Variants in FMNL2 observed in about 807,000 individuals in gnomAD.
The protein encoded by FMNL2 is formin like 2, also known as formin-like protein 2.
Under a neutral mutation model 130.2 loss-of-function variants are expected in FMNL2, and 51 were observed. That is an observed-to-expected ratio of 0.39 (90% CI 0.31 to 0.49). The LOEUF (loss-of-function observed/expected upper bound fraction) is 0.49. Among genes scored for constraint, FMNL2 ranks in the 20% least tolerant of loss-of-function variants. The pLI is 0.85. For missense variants in FMNL2, 977 were observed against 1,316.2 expected, an observed-to-expected ratio of 0.74 and a Z score of 3.99; for synonymous variants, 465 against 467.1, an observed-to-expected ratio of 1.00 and a Z score of 0.06.
intron 9 of FMNL2, among the ~76,000 whole-genome samples, chr2:152,601,296 CTTTTTTCTTTT>C (rs1423219289): frequency 6.5e-5 from 6 of 92,282 alleles, no homozygotes; most frequent in Admixed American, 2.1e-4. Context: ...CTTTTCTTTT[CTTTTTTCTTTT>C]TTTTTTTTTT....
At chr2:152,351,367 G>A (rs1311230266) in intron 1 of FMNL2, among the ~76,000 whole-genome samples, 1 of 151,988 alleles carries the variant, frequency 6.6e-6, no homozygotes, top group Non-Finnish European at 1.5e-5. Context: ...ACCAATCCCA[G>A]CAGGTTCCAT....
At chr2:152,635,596 A>C (rs1384724926) in intron 21 of FMNL2, among the ~76,000 whole-genome samples, 1 of 152,258 alleles carries the variant, frequency 6.6e-6, no homozygotes, top group East Asian at 1.9e-4. Context: ...AGATTTCAGC[A>C]AATACTGCAG....
intron 2 of FMNL2, among the ~76,000 whole-genome samples, chr2:152,537,475 A>T: frequency 6.6e-6 from 1 of 152,204 alleles, no homozygotes; most frequent in Non-Finnish European, 1.5e-5. Context: ...GATCTACGAG[A>T]GACACAGCTG....
intron 9 of FMNL2, among the ~76,000 whole-genome samples, chr2:152,590,290 T>C (rs1413857815): frequency 6.6e-6 from 1 of 151,992 alleles, no homozygotes; most frequent in Non-Finnish European, 1.5e-5. Flanking sequence ...AGTTATTTAG[T>C]CCAGTACTAA....
intron 1 of FMNL2, among the ~76,000 whole-genome samples, chr2:152,487,825 T>C (rs1690916935): frequency 6.6e-6 from 1 of 151,958 alleles, no homozygotes. Flanking sequence ...TCTCACTCTG[T>C]TGCCCAGGCT....
intron 9 of FMNL2, among the ~76,000 whole-genome samples, chr2:152,603,067 G>A (rs746355855): frequency 1.3e-5 from 2 of 152,182 alleles, no homozygotes. Context: ...TTTAATGATT[G>A]CTAAAGTAAT....
At chr2:152,396,103 C>T (rs1428426220) in intron 1 of FMNL2, among the ~76,000 whole-genome samples, 2 of 152,146 alleles carry the variant, frequency 1.3e-5, no homozygotes, top group Non-Finnish European at 2.9e-5. Flanking sequence ...CACGGCATTT[C>T]TGCAAAAATG....
intron 15 of FMNL2, among the ~76,000 whole-genome samples, chr2:152,623,638 G>T (rs1033703734): frequency 2.6e-5 from 4 of 152,044 alleles, no homozygotes; most frequent in Non-Finnish European, 5.9e-5. Context: ...CTTTTATTTT[G>T]TTCTGCACTG....
At chr2:152,421,690 C>A (rs1180575165) in intron 1 of FMNL2, among the ~76,000 whole-genome samples, 1 of 152,162 alleles carries the variant, frequency 6.6e-6, no homozygotes, top group Non-Finnish European at 1.5e-5. Context: ...AGTGCCTTTC[C>A]TGTTACTGAT....
At chr2:152,342,859 C>T (rs1015893917) in intron 1 of FMNL2, among the ~76,000 whole-genome samples, 23 of 152,134 alleles carry the variant, frequency 1.5e-4, no homozygotes, top group Non-Finnish European at 8.8e-5. Flanking sequence ...CAACATTCAG[C>T]CCTATTTACC....
chr2:152,370,312 C>T (rs543549089), intron 1 of FMNL2, among the ~76,000 whole-genome samples: 18 of 152,232 alleles, frequency 1.2e-4, no homozygotes, highest in South Asian at 2.1e-4. Flanking sequence ...GGAAGCTCCC[C>T]GGGGTCTCTT....
intron 1 of FMNL2, among the ~76,000 whole-genome samples, chr2:152,402,635 T>G (rs902084052): frequency 6.6e-6 from 1 of 152,230 alleles, no homozygotes; most frequent in African/African-American, 2.4e-5. Context: ...CTGCTCTCCC[T>G]TGCACACAGC....
intron 1 of FMNL2, among the ~76,000 whole-genome samples, chr2:152,504,995 C>T (rs1579831423): frequency 1.3e-5 from 2 of 152,300 alleles, no homozygotes; most frequent in East Asian, 3.9e-4. Flanking sequence ...ACATTTAAAG[C>T]ACAGTTCTTC....
At chr2:152,538,751 G>T (rs1159999255) in intron 2 of FMNL2, among the ~76,000 whole-genome samples, 3 of 152,112 alleles carry the variant, frequency 2.0e-5, no homozygotes, top group Admixed American at 6.5e-5. Context: ...TAAAACTTGG[G>T]GTTGCCTGTC....
At chr2:152,405,079 G>C (rs1267573445) in intron 1 of FMNL2, among the ~76,000 whole-genome samples, 1 of 152,182 alleles carries the variant, frequency 6.6e-6, no homozygotes, top group African/African-American at 2.4e-5. Context: ...TACATGCTTG[G>C]GAACAGAAGT....
At chr2:152,620,951 C>T (rs111862582) in intron 15 of FMNL2, 16,215 of 985,398 alleles carry the variant, frequency 0.016, 160 homozygotes, top group Non-Finnish European at 0.018. Context: ...CCGTCTACCA[C>T]TTTCTTCTAG....
intron 1 of FMNL2, among the ~76,000 whole-genome samples, chr2:152,424,641 G>A (rs530958834): frequency 1.3e-5 from 2 of 151,588 alleles, no homozygotes; most frequent in Non-Finnish European, 2.9e-5. Context: ...CGCCCATCTC[G>A]GCCTCCCAAA....
intron 1 of FMNL2, among the ~76,000 whole-genome samples, chr2:152,383,826 A>G (rs555926113): frequency 6.6e-6 from 1 of 152,256 alleles, no homozygotes; most frequent in Non-Finnish European, 1.5e-5. Context: ...AAATGAGGAG[A>G]AGTCATCATC....
At position 152,619,505 on chromosome 2, in the gene FMNL2, CT is replaced by C. The variant is rs985567598; in HGVS notation, c.1628-3del. 6.5e-7 allele frequency: 1 copy of C among 1,549,540 alleles called. No homozygotes were observed. The highest frequency in any genetic ancestry group is 1.4e-5 in the African/African-American group (1 of 72,870). On this transcript the variant is annotated splice_region_variant and splice_polypyrimidine_tract_variant and intron_variant, in intron 14 of 25. Coordinates refer to ENST00000288670, the MANE Select transcript of FMNL2 (RefSeq NM_052905.4). ...AGTCCATCTGTTTCTTTTTTCTTTG[CT>C]AGTGCAAAATGGTCCAGTAACACCA...
Sources: gnomAD v4.1 joint callset for allele counts (sites outside exome capture counted in the v4.1 genomes callset) on GRCh38, gnomAD v4.1.1 for gene constraint, MANE v1.5 for transcripts, NCBI Gene and HGNC (gene_info 2026-07-23, HGNC 2026-07-21) for gene names.